The following CDK19 variants were observed in gnomAD, a reference collection of about 807,000 sequenced individuals.
The protein encoded by CDK19 is cyclin-dependent kinase 19.
Under a neutral mutation model 68.3 loss-of-function variants are expected in CDK19, and 20 were observed. That is an observed-to-expected ratio of 0.29 (90% CI 0.21 to 0.43). The LOEUF is 0.43. Among genes scored for constraint, CDK19 ranks in the 20% least tolerant of loss-of-function variants. The pLI is 1.00. For synonymous variants in CDK19, 221 were observed against 222.8 expected (o/e 0.99, Z 0.07); for missense variants, 339 against 623.5 (o/e 0.54, Z 4.86).
Position 110,761,746 on chromosome 6 carries a change from T to C in CDK19, c.129-15545A>G, listed in dbSNP as rs182021395. On this transcript the variant is annotated intron_variant, in intron 1 of 12. Transcript: ENST00000368911. ...TTAAATTTCACTTAAGGATGCTCAG[T>C]GGTTTACCAATTATTTTACTTTACT... Among the ~76,000 whole-genome samples, 264 of 152,308 alleles carry C rather than the reference T, an allele frequency of 1.7e-3. 3 individuals carry two copies. Among genetic ancestry groups the C allele is most frequent in the Non-Finnish European group, 3.3e-3 (223 of 68,018 alleles).
At chr6:110,659,221 GACA>G (rs1054087272) in intron 4 of CDK19, among the ~76,000 whole-genome samples, 10 of 152,184 alleles carry the variant, frequency 6.6e-5, no homozygotes, top group African/African-American at 2.4e-4. Context: ...CTCCTTGTCA[GACA>G]ACTTATGAAG....
chr6:110,783,441 C>A (rs188427180), intron 1 of CDK19, among the ~76,000 whole-genome samples: 1 of 152,122 alleles, frequency 6.6e-6, no homozygotes, highest in East Asian at 1.9e-4. Flanking sequence ...AGTTCGAGAC[C>A]AGCCTGGCCA....
At chr6:110,724,636 G>A (rs1046869155) in intron 2 of CDK19, among the ~76,000 whole-genome samples, 26 of 152,084 alleles carry the variant, frequency 1.7e-4, no homozygotes, top group African/African-American at 5.6e-4. Flanking sequence ...TAATAAAGGT[G>A]CACTAAAAGT....
intron 2 of CDK19, among the ~76,000 whole-genome samples, chr6:110,743,514 C>T (rs184761658): frequency 1.4e-4 from 21 of 152,004 alleles, no homozygotes; most frequent in African/African-American, 4.3e-4. Flanking sequence ...TGGTGGTGCA[C>T]GCCTGTAATC....
intron 1 of CDK19, among the ~76,000 whole-genome samples, chr6:110,793,116 GGAATCAGGA>G (rs1781708876): frequency 6.6e-6 from 1 of 152,048 alleles, no homozygotes; most frequent in Admixed American, 6.6e-5. Flanking sequence ...ATATTTACTA[GGAATCAGGA>G]GCAAAAATCC....
chr6:110,737,813 T>A (rs1369543867), intron 2 of CDK19, among the ~76,000 whole-genome samples: 2 of 152,080 alleles, frequency 1.3e-5, no homozygotes, highest in East Asian at 3.9e-4. Flanking sequence ...TATCACCATA[T>A]ATTGCAAGGA....
chr6:110,802,637 T>C (rs978841456), intron 1 of CDK19, among the ~76,000 whole-genome samples: 12 of 152,316 alleles, frequency 7.9e-5, no homozygotes, highest in Middle Eastern at 3.4e-3. Flanking sequence ...AATATACCCA[T>C]GTAACAAACC....
At chr6:110,761,172 G>A (rs1315595508) in intron 1 of CDK19, among the ~76,000 whole-genome samples, 1 of 152,090 alleles carries the variant, frequency 6.6e-6, no homozygotes, top group African/African-American at 2.4e-5. Flanking sequence ...GGTCTCGAAT[G>A]CCTTGGCTCA....
chr6:110,707,942 A>T (rs1001227094), intron 2 of CDK19, among the ~76,000 whole-genome samples: 5 of 152,238 alleles, frequency 3.3e-5, no homozygotes, highest in Admixed American at 1.3e-4. Flanking sequence ...ACTGCACTCC[A>T]GCCTGGGCGA....
At chr6:110,674,163 C>A (rs144163405) in intron 2 of CDK19, among the ~76,000 whole-genome samples, 3 of 152,166 alleles carry the variant, frequency 2.0e-5, no homozygotes, top group African/African-American at 4.8e-5. Context: ...ACAAATTGCA[C>A]CCACATAAGA....
At chr6:110,644,800 G>C (rs1378196168) in intron 4 of CDK19, among the ~76,000 whole-genome samples, 1 of 152,072 alleles carries the variant, frequency 6.6e-6, no homozygotes, top group Non-Finnish European at 1.5e-5. Flanking sequence ...AGGGGGCCAG[G>C]GGGAGGGGAG....
chr6:110,622,362 C>CG (rs1778775005), intron 10 of CDK19, among the ~76,000 whole-genome samples, 196 bp from the exon 11 acceptor site: 1 of 152,082 alleles, frequency 6.6e-6, no homozygotes, highest in Admixed American at 6.6e-5. Flanking sequence ...TTCATTAGCG[C>CG]CAAAAATAAC....
intron 4 of CDK19, among the ~76,000 whole-genome samples, chr6:110,663,523 G>C (rs930710801): frequency 1.3e-5 from 2 of 151,184 alleles, no homozygotes; most frequent in African/African-American, 4.9e-5. Flanking sequence ...GATTCCTGTT[G>C]GTTCAAAGTT....
At chr6:110,747,967 G>A (rs9487509) in intron 1 of CDK19, among the ~76,000 whole-genome samples, 2,069 of 152,236 alleles carry the variant, frequency 0.014, 59 homozygotes, top group African/African-American at 0.047. Flanking sequence ...CAATGCTTAC[G>A]ATGTAAATTT....
intron 12 of CDK19, among the ~76,000 whole-genome samples, chr6:110,616,211 C>T (rs894778674): frequency 2.0e-5 from 3 of 152,122 alleles, no homozygotes; most frequent in Admixed American, 6.5e-5. Flanking sequence ...ACCTGTCGGG[C>T]GGTTACACTT....
intron 1 of CDK19, among the ~76,000 whole-genome samples, chr6:110,787,182 T>C (rs1781281469): frequency 1.3e-5 from 2 of 152,022 alleles, no homozygotes; most frequent in Non-Finnish European, 2.9e-5. Context: ...AGACCAGCCT[T>C]GGCCAACATG....
At chr6:110,696,840 C>T (rs1773524629) in intron 2 of CDK19, among the ~76,000 whole-genome samples, 1 of 152,122 alleles carries the variant, frequency 6.6e-6, no homozygotes, top group African/African-American at 2.4e-5. Flanking sequence ...GGGCGGATCA[C>T]TTGAGGCCGG....
At chr6:110,680,698 A>G (rs988457772) in intron 2 of CDK19, among the ~76,000 whole-genome samples, 1 of 152,210 alleles carries the variant, frequency 6.6e-6, no homozygotes, top group African/African-American at 2.4e-5. Context: ...GTTGTGATAT[A>G]ATGTAAAAGG....
In CDK19 at chr6:110,622,836, T is replaced by A; in HGVS notation, c.1010A>T (p.Glu337Val). ...ATACTCTAATGTTGGCAAAGGGTCC[T>A]CCTGAAAATAGGGATCCTGCAGAGC... ...EQALQDPYFQ[E>V]DPLPTLDVFA... The change falls in exon 10 of 13, where the codon GAG (glutamate) becomes GTG (valine). Residue 337 changes from glutamate to valine, a missense_variant. By Grantham distance (121) the Glu-to-Val change is moderately radical (BLOSUM62 -2). This residue lies in a region of CDK19 where 155 missense variants were observed against 222.7 expected (regional missense o/e 0.70). Transcript: ENST00000368911. The A allele has an allele frequency of 6.8e-6, 11 of 1,610,930 alleles. No individual in the cohort carries two copies. The highest frequency in any genetic ancestry group is 9.3e-6 in the Non-Finnish European group (11 of 1,177,036).
Sources: allele counts gnomAD v4.1 joint callset (sites outside exome capture counted in the v4.1 genomes callset), GRCh38; gene constraint gnomAD v4.1.1; regional missense constraint gnomAD v4.1.1; transcripts MANE v1.5; gene names NCBI Gene and HGNC (gene_info 2026-07-23, HGNC 2026-07-21).